Variants in SMAP1 observed in about 807,000 individuals in gnomAD.
SMAP1 encodes stromal membrane-associated protein 1.
A neutral mutation model predicts 58.5 loss-of-function variants in SMAP1; 24 were observed. The observed-to-expected ratio is 0.41, with a 90% CI of 0.30 to 0.58. The LOEUF (loss-of-function observed/expected upper bound fraction) is 0.58. SMAP1 is among the 20% of genes least tolerant of loss of function. SMAP1 has a pLI of 0.29. For missense variants in SMAP1, 563 were observed against 566.3 expected, an observed-to-expected ratio of 0.99 and a Z score of 0.06; for synonymous variants, 216 against 196.6, an observed-to-expected ratio of 1.10 and a Z score of -0.82.
chr6:70,698,617 A>C (rs117783052), intron 1 of SMAP1, among the ~76,000 whole-genome samples: 3,574 of 152,180 alleles, frequency 0.023, 52 homozygotes, highest in Non-Finnish European at 0.037. Flanking sequence ...TGTATTTTGA[A>C]ATAGCCTGCT....
chr6:70,801,554 A>G (rs529557875), intron 6 of SMAP1, among the ~76,000 whole-genome samples: 7 of 152,192 alleles, frequency 4.6e-5, no homozygotes, highest in South Asian at 2.1e-4. Context: ...TTTTGTTGCC[A>G]TTGCTTTTGG....
intron 7 of SMAP1, among the ~76,000 whole-genome samples, chr6:70,842,104 T>C (rs1353923095): frequency 1.3e-5 from 2 of 152,208 alleles, no homozygotes; most frequent in Non-Finnish European, 2.9e-5. Context: ...TGTGTAGTTA[T>C]GTGCACATTC....
At chr6:70,769,887 G>C (rs1767194857) in intron 3 of SMAP1, among the ~76,000 whole-genome samples, 1 of 151,914 alleles carries the variant, frequency 6.6e-6, no homozygotes, top group African/African-American at 2.4e-5. Context: ...GCAGTGGCTG[G>C]TACCGGTTGT....
intron 1 of SMAP1, among the ~76,000 whole-genome samples, chr6:70,676,850 A>T (rs537121575): frequency 6.6e-6 from 1 of 152,088 alleles, no homozygotes; most frequent in Admixed American, 6.6e-5. Context: ...TGGCGTGATC[A>T]TAGCCCATTG....
At chr6:70,845,577 C>T (rs930958691) in intron 7 of SMAP1, among the ~76,000 whole-genome samples, 4 of 152,122 alleles carry the variant, frequency 2.6e-5, no homozygotes, top group Non-Finnish European at 2.9e-5. Flanking sequence ...TAATGTTTTA[C>T]GGACATCACC....
chr6:70,729,459 T>TTGTGTGTG (rs35058846), intron 1 of SMAP1, among the ~76,000 whole-genome samples: 7,930 of 128,062 alleles, frequency 0.062, 331 homozygotes, highest in African/African-American at 0.081. Context: ...AAAAAGAAGG[T>TTGTGTGTG]TGTGTGTGTG....
chr6:70,742,512 T>C (rs1387709650), intron 2 of SMAP1, among the ~76,000 whole-genome samples: 1 of 152,164 alleles, frequency 6.6e-6, no homozygotes, highest in Non-Finnish European at 1.5e-5. Context: ...TCCATATCAT[T>C]ATCAGCATTT....
At chr6:70,802,238 G>A (rs895256280) in intron 6 of SMAP1, among the ~76,000 whole-genome samples, 3 of 152,144 alleles carry the variant, frequency 2.0e-5, no homozygotes, top group African/African-American at 7.2e-5. Context: ...TACATCCCTT[G>A]TAAGTTGGAT....
chr6:70,824,431 AG>A (rs1162636524), intron 6 of SMAP1, among the ~76,000 whole-genome samples: 1 of 152,172 alleles, frequency 6.6e-6, no homozygotes, highest in East Asian at 1.9e-4. Context: ...AGGAATAAAA[AG>A]TACCGTTAAA....
intron 1 of SMAP1, among the ~76,000 whole-genome samples, chr6:70,704,059 G>C (rs1314636693): frequency 6.6e-6 from 1 of 152,166 alleles, no homozygotes; most frequent in Non-Finnish European, 1.5e-5. Flanking sequence ...ATTTTGGTTA[G>C]AAAACAACTC....
chr6:70,668,420 G>C (rs1026425078), intron 1 of SMAP1: 8 of 1,142,126 alleles, frequency 7.0e-6, no homozygotes, highest in South Asian at 1.8e-5. Flanking sequence ...AGCGATGCTC[G>C]GACCCTCCAC....
chr6:70,767,118 G>A (rs372138004), intron 3 of SMAP1, among the ~76,000 whole-genome samples: 1 of 152,030 alleles, frequency 6.6e-6, no homozygotes, highest in Non-Finnish European at 1.5e-5. Context: ...CTCTGTTTTG[G>A]TACCAATACC....
intron 2 of SMAP1, among the ~76,000 whole-genome samples, chr6:70,751,838 T>A (rs1260394048): frequency 6.6e-6 from 1 of 152,176 alleles, no homozygotes; most frequent in East Asian, 1.9e-4. Context: ...TTATTACCAA[T>A]AATTTAAAAA....
At chr6:70,788,291 G>T (rs1265297767) in intron 4 of SMAP1, among the ~76,000 whole-genome samples, 1 of 126,504 alleles carries the variant, frequency 7.9e-6, no homozygotes, top group Admixed American at 9.0e-5. Context: ...CACACTCTGG[G>T]GACTGTTGTG....
chr6:70,748,516 A>G, intron 2 of SMAP1, among the ~76,000 whole-genome samples: 1 of 152,202 alleles, frequency 6.6e-6, no homozygotes, highest in South Asian at 2.1e-4. Flanking sequence ...TGAGTGTAAG[A>G]TCTGCTTGGA....
In SMAP1 at chr6:70,709,833, C is replaced by G. The variant is rs147674902; in HGVS notation, c.119-22545C>G. Among the ~76,000 whole-genome samples, 106 of 152,122 alleles carry G rather than the reference C, an allele frequency of 7.0e-4. 2 individuals are homozygous for G. In the East Asian group the frequency reaches 0.019, roughly 28 times the overall value. On this transcript the variant is annotated intron_variant, in intron 1 of 10. Transcript: ENST00000370455. ...TAATATAATTCTTCCAATTCATGAA[C>G]ACAAGGTATCTTTCCATTTGTGTCT...
chr6:70,798,801 A>G, intron 6 of SMAP1, 64 bp downstream of exon 6: 1 of 1,235,562 alleles, frequency 8.1e-7, no homozygotes, highest in South Asian at 1.6e-5. Flanking sequence ...CTTATATATT[A>G]ATGACTTTCT....
chr6:70,855,498 GT>G (rs147561591), intron 8 of SMAP1, among the ~76,000 whole-genome samples: 2,603 of 152,244 alleles, frequency 0.017, 69 homozygotes, highest in African/African-American at 0.059. Flanking sequence ...AGACCCCAGG[GT>G]TTTCAGCAGA....
chr6:70,724,230 C>T (rs7764445), intron 1 of SMAP1, among the ~76,000 whole-genome samples: 21,231 of 149,062 alleles, frequency 0.14, 2,807 homozygotes, highest in East Asian at 0.55. Flanking sequence ...GAATTTCAAT[C>T]ATGTCACCCA....
Sources: gnomAD v4.1 joint callset for allele counts (sites outside exome capture counted in the v4.1 genomes callset) on GRCh38, gnomAD v4.1.1 for gene constraint, MANE v1.5 for transcripts, NCBI Gene and HGNC (gene_info 2026-07-23, HGNC 2026-07-21) for gene names.